Variants in INO80 observed in about 807,000 individuals in gnomAD.
INO80 encodes chromatin-remodeling ATPase INO80.
INO80 carries 20 observed loss-of-function variants against 203.4 expected under a neutral mutation model. That is an observed-to-expected ratio of 0.10 (90% CI 0.07 to 0.14). The LOEUF (loss-of-function observed/expected upper bound fraction) is 0.14, where lower values mean the gene tolerates loss of function less well. Ranked by LOEUF, INO80 falls within the 10% of genes least tolerant of loss-of-function variation. INO80 has a pLI of 1.00. For missense variants in INO80, 1,419 were observed against 1,914.4 expected, an observed-to-expected ratio of 0.74 and a Z score of 4.83; for synonymous variants, 726 against 685.2, an observed-to-expected ratio of 1.06 and a Z score of -0.93.
intron 24 of INO80, among the ~76,000 whole-genome samples, chr15:41,031,532 A>G (rs1220332945): frequency 7.5e-4 from 7 of 9,394 alleles, no homozygotes; most frequent in Middle Eastern, 0.042. Context: ...GAGGAAGGAG[A>G]AGGGAGGAAG....
At chr15:40,999,174 T>TA (rs1336013103) in intron 28 of INO80, 4 of 152,192 alleles carry the variant, frequency 2.6e-5, no homozygotes, top group Admixed American at 6.5e-5. Flanking sequence ...AATCACAGTG[T>TA]AAAATTAATT....
chr15:41,078,741 A>G (rs2045441008), intron 9 of INO80, among the ~76,000 whole-genome samples: 1 of 103,964 alleles, frequency 9.6e-6, no homozygotes, highest in African/African-American at 5.9e-5. Context: ...TATCAATGGC[A>G]ATACAATGAT....
chr15:40,980,336 T>C lies in INO80; in HGVS notation c.4558A>G (p.Lys1520Glu), dbSNP rs1310422255. ...GGATTCCCAGGAACATTATTTCCCT[T>C]GCTCAAAGGGGAACTCAAAGGAGAA... ...ASSPLSSPLS[K>E]GNNVPGNPKN... The change falls in exon 36 of 36, where the codon AAG (lysine) becomes GAG (glutamate). Residue 1520 changes from lysine (K) to glutamate (E), a missense_variant. By Grantham distance (56) the Lys-to-Glu change is moderately conservative. This residue lies in a region of INO80 where 112 missense variants were observed against 106.2 expected (regional missense o/e 1.05). Coordinates refer to ENST00000648947, the MANE Select transcript of INO80 (RefSeq NM_017553.3). 6.2e-7 allele frequency: 1 copy of C among 1,614,036 alleles called. No individual in the cohort carries two copies. Among genetic ancestry groups the C allele is most frequent in the South Asian group, 1.1e-5 (1 of 91,074 alleles).
chr15:41,105,748 T>C (rs1224020518), intron 1 of INO80, among the ~76,000 whole-genome samples: 3 of 152,222 alleles, frequency 2.0e-5, no homozygotes, highest in Non-Finnish European at 4.4e-5. Flanking sequence ...CTACTCAAAT[T>C]GTTCCAGCTT....
At chr15:41,092,276 A>C in intron 4 of INO80, 94 bp from the exon 5 acceptor site, 1 of 984,648 alleles carries the variant, frequency 1.0e-6, no homozygotes, top group South Asian at 2.0e-5. Context: ...CAATGACAAA[A>C]ACAGCAGAAA....
intron 24 of INO80, among the ~76,000 whole-genome samples, chr15:41,038,986 G>A (rs1268775141): frequency 1.3e-5 from 2 of 152,184 alleles, no homozygotes; most frequent in East Asian, 1.9e-4. Flanking sequence ...AAATAGGGCT[G>A]GGACGACAAG....
At chr15:41,040,307 G>C (rs2044647513) in intron 24 of INO80, among the ~76,000 whole-genome samples, 1 of 152,216 alleles carries the variant, frequency 6.6e-6, no homozygotes, top group South Asian at 2.1e-4. Context: ...CAGAGGATCT[G>C]TGCACCAGTT....
At chr15:41,009,201 G>A (rs1398594547) in intron 27 of INO80, among the ~76,000 whole-genome samples, 4 of 149,958 alleles carry the variant, frequency 2.7e-5, no homozygotes, top group East Asian at 4.0e-4. Flanking sequence ...GAACATATGC[G>A]GTTTTTGTTT....
chr15:41,085,153 G>A (rs1338846507), intron 7 of INO80, among the ~76,000 whole-genome samples: 1 of 152,158 alleles, frequency 6.6e-6, no homozygotes, highest in Non-Finnish European at 1.5e-5. Context: ...TGACCACGGA[G>A]CATCACACAA....
intron 14 of INO80, among the ~76,000 whole-genome samples, chr15:41,066,748 T>C (rs2045224278): frequency 6.7e-6 from 1 of 149,798 alleles, no homozygotes. Flanking sequence ...GAGAATGGCT[T>C]GAGGTGGAGT....
intron 25 of INO80, chr15:41,023,076 G>C (rs1296107763): frequency 2.8e-6 from 1 of 351,920 alleles, no homozygotes; most frequent in Admixed American, 3.9e-5. Flanking sequence ...ACTCCAGCCT[G>C]GGCAACAGGG....
At chr15:41,043,056 C>T (rs2044696485) in intron 24 of INO80, among the ~76,000 whole-genome samples, 1 of 152,112 alleles carries the variant, frequency 6.6e-6, no homozygotes, top group South Asian at 2.1e-4. Context: ...AGCATACTAC[C>T]CACATCTGCA....
intron 28 of INO80, among the ~76,000 whole-genome samples, chr15:41,004,177 C>T (rs2140436840): frequency 6.6e-6 from 1 of 152,302 alleles, no homozygotes; most frequent in East Asian, 1.9e-4. Flanking sequence ...ATCCACACAG[C>T]TGCACGAGGG....
intron 29 of INO80, 136 bp downstream of exon 29, chr15:40,997,393 A>G (rs2043894273): frequency 6.5e-6 from 4 of 618,526 alleles, no homozygotes; most frequent in Non-Finnish European, 1.2e-5. Context: ...CACAAGAGGC[A>G]AAGAAATAAA....
intron 1 of INO80, among the ~76,000 whole-genome samples, chr15:41,104,206 CAAAAAAAAAAAA>C (rs35510472): frequency 1.2e-4 from 5 of 41,522 alleles, no homozygotes; most frequent in Non-Finnish European, 3.1e-4. Context: ...AACTCCATCT[CAAAAAAAAAAAA>C]AAAAAAAAAA....
intron 1 of INO80, among the ~76,000 whole-genome samples, chr15:41,102,576 A>G (rs995436460): frequency 5.9e-5 from 9 of 152,132 alleles, no homozygotes; most frequent in African/African-American, 2.2e-4. Flanking sequence ...AGCCTGAGGC[A>G]GGAGAATCGC....
intron 1 of INO80, among the ~76,000 whole-genome samples, chr15:41,097,559 G>A (rs969524107): frequency 6.6e-6 from 1 of 150,828 alleles, no homozygotes; most frequent in Non-Finnish European, 1.5e-5. Flanking sequence ...TGCAACCTCT[G>A]CCTCACAGGT....
intron 19 of INO80, among the ~76,000 whole-genome samples, chr15:41,050,953 A>T (rs2044858366): frequency 6.6e-6 from 1 of 151,946 alleles, no homozygotes; most frequent in African/African-American, 2.4e-5. Flanking sequence ...CAACATAGTG[A>T]AACCCCATCT....
intron 27 of INO80, among the ~76,000 whole-genome samples, chr15:41,010,167 C>T (rs2044113244): frequency 6.6e-6 from 1 of 152,196 alleles, no homozygotes; most frequent in Non-Finnish European, 1.5e-5. Context: ...ACATCAGTGG[C>T]ATGCAAACAG....
Sources: allele counts gnomAD v4.1 joint callset (sites outside exome capture counted in the v4.1 genomes callset), GRCh38; gene constraint gnomAD v4.1.1; regional missense constraint gnomAD v4.1.1; transcripts MANE v1.5; gene names NCBI Gene and HGNC (gene_info 2026-07-23, HGNC 2026-07-21).